The following PTPRD variants were observed in gnomAD, a reference collection of about 807,000 sequenced individuals.
PTPRD encodes the protein receptor-type tyrosine-protein phosphatase delta.
PTPRD carries 34 observed loss-of-function variants against 214.5 expected under a neutral mutation model. The ratio of observed to expected loss-of-function variants is 0.16; its 90% CI spans 0.12 to 0.21. The LOEUF (loss-of-function observed/expected upper bound fraction) is 0.21, where lower values mean the gene tolerates loss of function less well. Among genes scored for constraint, PTPRD ranks in the 10% least tolerant of loss-of-function variants. The pLI is 1.00. For missense variants in PTPRD, 2,545 were observed against 2,398.7 expected, an observed-to-expected ratio of 1.06 and a Z score of -1.27; for synonymous variants, 1,128 against 845.7, an observed-to-expected ratio of 1.33 and a Z score of -5.79.
intron 8 of PTPRD, among the ~76,000 whole-genome samples, chr9:9,520,287 T>TTA (rs1219816693): frequency 1.3e-4 from 10 of 76,062 alleles, no homozygotes; most frequent in Non-Finnish European, 1.6e-4. Flanking sequence ...ATATATTAAG[T>TTA]TATATATATA....
chr9:9,887,188 C>T (rs187188787), intron 5 of PTPRD, among the ~76,000 whole-genome samples: 50 of 152,216 alleles, frequency 3.3e-4, no homozygotes, highest in Middle Eastern at 3.4e-3. Flanking sequence ...AATTAGAAAG[C>T]CTTCTGTCAA....
At chr9:8,893,233 A>G (rs2154242574) in intron 11 of PTPRD, among the ~76,000 whole-genome samples, 1 of 152,306 alleles carries the variant, frequency 6.6e-6, no homozygotes, top group African/African-American at 2.4e-5. Flanking sequence ...ATGTTCCTGG[A>G]GATAATAAGG....
intron 8 of PTPRD, among the ~76,000 whole-genome samples, chr9:9,414,571 T>G (rs983835550): frequency 6.6e-6 from 1 of 152,122 alleles, no homozygotes; most frequent in South Asian, 2.1e-4. Context: ...TGAGTGTTGG[T>G]TTTTAATTAA....
intron 3 of PTPRD, among the ~76,000 whole-genome samples, chr9:10,055,061 C>T (rs1019542972): frequency 2.0e-5 from 3 of 152,004 alleles, no homozygotes; most frequent in African/African-American, 7.2e-5. Flanking sequence ...ATGTGAGGAC[C>T]CAGCAAGAAG....
chr9:8,554,907 C>T (rs138425565), intron 14 of PTPRD, among the ~76,000 whole-genome samples: 1 of 152,092 alleles, frequency 6.6e-6, no homozygotes, highest in African/African-American at 2.4e-5. Flanking sequence ...GGATCAGAGT[C>T]CATCAAGTTG....
rs193165732 is a variant in PTPRD at position 8,897,468 on chromosome 9, T to C, written c.-104+121229A>G. Among the ~76,000 whole-genome samples, 6 of 152,328 alleles carry C rather than the reference T, an allele frequency of 3.9e-5. No homozygotes were observed. In the East Asian group the frequency reaches 9.7e-4, roughly 25 times the overall value. On this transcript the variant is annotated intron_variant, in intron 11 of 45. Coordinates refer to ENST00000381196, the MANE Select transcript of PTPRD (RefSeq NM_002839.4). ...TTTGAGGTAAGCTACCACATAGTGA[T>C]GGTGTCTGGCTAAAAGCAGACACAG...
At chr9:8,482,303 A>ACT (rs2096904405) in intron 30 of PTPRD, among the ~76,000 whole-genome samples, 1 of 151,920 alleles carries the variant, frequency 6.6e-6, no homozygotes, top group Non-Finnish European at 1.5e-5. Context: ...CTGTACTACT[A>ACT]CTCTAGTGTA....
At chr9:8,339,595 G>T (rs544240539) in intron 42 of PTPRD, among the ~76,000 whole-genome samples, 3 of 152,220 alleles carry the variant, frequency 2.0e-5, no homozygotes, top group Non-Finnish European at 4.4e-5. Flanking sequence ...GAGTAAGTCA[G>T]TTACTTTCCT....
At chr9:9,522,237 G>C (rs1313582085) in intron 8 of PTPRD, among the ~76,000 whole-genome samples, 2 of 147,160 alleles carry the variant, frequency 1.4e-5, no homozygotes, top group Non-Finnish European at 3.0e-5. Context: ...CTTTAATTTA[G>C]ATCCTTGTTA....
chr9:10,018,909 G>A (rs1171427280), intron 4 of PTPRD, among the ~76,000 whole-genome samples: 3 of 151,988 alleles, frequency 2.0e-5, no homozygotes, highest in African/African-American at 7.2e-5. Context: ...GTATTTTTCT[G>A]CAAAAATATT....
chr9:9,371,241 C>A (rs982970142), intron 9 of PTPRD, among the ~76,000 whole-genome samples: 2 of 151,994 alleles, frequency 1.3e-5, no homozygotes, highest in Non-Finnish European at 1.5e-5. Context: ...CCATCTGGTC[C>A]TGGACTTTTT....
intron 11 of PTPRD, among the ~76,000 whole-genome samples, chr9:9,011,016 T>C (rs2099509676): frequency 6.6e-6 from 1 of 152,222 alleles, no homozygotes; most frequent in Non-Finnish European, 1.5e-5. Flanking sequence ...CTAGGATTCA[T>C]ATGTAGCATG....
chr9:9,427,772 A>G (rs550014731), intron 8 of PTPRD, among the ~76,000 whole-genome samples: 1 of 152,306 alleles, frequency 6.6e-6, no homozygotes, highest in African/African-American at 2.4e-5. Flanking sequence ...ATGCTTAAAG[A>G]AAGGAATTTT....
At chr9:9,596,698 T>A (rs912484715) in intron 7 of PTPRD, among the ~76,000 whole-genome samples, 13 of 152,034 alleles carry the variant, frequency 8.6e-5, no homozygotes, top group Non-Finnish European at 1.6e-4. Context: ...TCAGTCCATA[T>A]CCTTCTGGTT....
At chr9:8,840,665 C>T (rs1482565969) in intron 11 of PTPRD, among the ~76,000 whole-genome samples, 2 of 152,204 alleles carry the variant, frequency 1.3e-5, no homozygotes, top group Non-Finnish European at 2.9e-5. Flanking sequence ...ATGTGAACTA[C>T]CACTGGGGCT....
chr9:9,415,350 T>G (rs576213127), intron 8 of PTPRD, among the ~76,000 whole-genome samples: 1 of 152,092 alleles, frequency 6.6e-6, no homozygotes, highest in Admixed American at 6.6e-5. Flanking sequence ...GGCATGTGTC[T>G]GTAATCCCAG....
intron 27 of PTPRD, among the ~76,000 whole-genome samples, chr9:8,487,522 A>G (rs2097051961): frequency 6.6e-6 from 1 of 152,258 alleles, no homozygotes; most frequent in African/African-American, 2.4e-5. Flanking sequence ...TGAGCCCAAG[A>G]GTTCAAAACC....
chr9:9,787,154 A>T (rs1004659401), intron 5 of PTPRD, among the ~76,000 whole-genome samples: 10 of 151,838 alleles, frequency 6.6e-5, no homozygotes, highest in Admixed American at 6.6e-4. Flanking sequence ...TAAAAAAAAA[A>T]TACATAAAAA....
chr9:9,668,536 A>C (rs1176490615), intron 7 of PTPRD, among the ~76,000 whole-genome samples: 2 of 151,804 alleles, frequency 1.3e-5, no homozygotes, highest in East Asian at 3.9e-4. Flanking sequence ...TTGATTGGCC[A>C]TTTTTTTTCC....
Sources: allele counts gnomAD v4.1 joint callset (sites outside exome capture counted in the v4.1 genomes callset), GRCh38; gene constraint gnomAD v4.1.1; transcripts MANE v1.5; gene names NCBI Gene and HGNC (gene_info 2026-07-23, HGNC 2026-07-21).